The following SVIL variants were observed in gnomAD, a reference collection of about 807,000 sequenced individuals.
SVIL encodes the protein archvillin.
Under a neutral mutation model 240.4 loss-of-function variants are expected in SVIL, and 101 were observed. The observed-to-expected ratio is 0.42, with a 90% CI of 0.36 to 0.50. The LOEUF (loss-of-function observed/expected upper bound fraction) is 0.50, where lower values mean the gene tolerates loss of function less well. Among genes scored for constraint, SVIL ranks in the 20% least tolerant of loss-of-function variants. SVIL has a pLI of 0.01. For synonymous variants in SVIL, 999 were observed against 1,100.0 expected (o/e 0.91, Z 1.82); for missense variants, 2,512 against 2,818.7 (o/e 0.89, Z 2.46).
At chr10:29,724,397 A>ACG (rs58472580) in intron 1 of SVIL, among the ~76,000 whole-genome samples, 2 of 151,438 alleles carry the variant, frequency 1.3e-5, no homozygotes, top group African/African-American at 2.4e-5. Context: ...ACACACACAC[A>ACG]TACACACAGA....
At chr10:29,598,835 G>A (rs1419438328) in intron 1 of SVIL, among the ~76,000 whole-genome samples, 3 of 151,786 alleles carry the variant, frequency 2.0e-5, no homozygotes, top group African/African-American at 7.3e-5. Flanking sequence ...CTGTGTAGAT[G>A]CTGGACTCTG....
At chr10:29,705,879 G>C (rs888128421) in intron 1 of SVIL, among the ~76,000 whole-genome samples, 1 of 152,164 alleles carries the variant, frequency 6.6e-6, no homozygotes, top group Non-Finnish European at 1.5e-5. Context: ...TCTTTGTCCA[G>C]GCTATCACTG....
intron 2 of SVIL, among the ~76,000 whole-genome samples, chr10:29,682,161 C>T (rs916480176): frequency 1.3e-5 from 2 of 152,196 alleles, no homozygotes; most frequent in Admixed American, 1.3e-4. Context: ...TCTTCTACGC[C>T]TTAAGCAGCA....
At position 29,505,938 on chromosome 10, in the gene SVIL, T is replaced by A. The variant is rs573640104; in HGVS notation, c.3517-6675A>T. On this transcript the variant is annotated intron_variant, in intron 17 of 37. Transcript: ENST00000355867. Reference sequence around the variant, plus strand: ...AATCCACAGATGCTCAAGTCCCTGATGTAAAATGGGGTAGGATTTGCACAC... The same window carrying A: ...AATCCACAGATGCTCAAGTCCCTGAAGTAAAATGGGGTAGGATTTGCACAC... 1.2e-3 allele frequency among the ~76,000 whole-genome samples: 186 copies of A among 152,300 alleles called. 2 individuals carry two copies. In the South Asian group the frequency reaches 0.019, roughly 15 times the overall value.
At chr10:29,664,202 T>A (rs1959190464) in intron 2 of SVIL, among the ~76,000 whole-genome samples, 1 of 152,156 alleles carries the variant, frequency 6.6e-6, no homozygotes, top group Non-Finnish European at 1.5e-5. Context: ...AAAAATTGAG[T>A]TAATGGGCAG....
intron 1 of SVIL, among the ~76,000 whole-genome samples, chr10:29,582,943 G>A (rs758509964): frequency 2.6e-5 from 4 of 152,058 alleles, no homozygotes; most frequent in African/African-American, 9.7e-5. Context: ...AGCGGAGAAG[G>A]CTCTGCCAAA....
At chr10:29,518,718 T>C (rs1950374496) in intron 16 of SVIL, among the ~76,000 whole-genome samples, 1 of 152,092 alleles carries the variant, frequency 6.6e-6, no homozygotes, top group East Asian at 1.9e-4. Context: ...TAGCTGGTTA[T>C]GGTGGTGGGC....
At chr10:29,610,905 A>T (rs1315656911) in intron 1 of SVIL, among the ~76,000 whole-genome samples, 3 of 152,160 alleles carry the variant, frequency 2.0e-5, no homozygotes, top group Non-Finnish European at 4.4e-5. Flanking sequence ...TCGCTCATGC[A>T]TTTCTGAGCT....
chr10:29,621,230 C>A (rs1035124324), intron 1 of SVIL, among the ~76,000 whole-genome samples: 1 of 152,236 alleles, frequency 6.6e-6, no homozygotes, highest in African/African-American at 2.4e-5. Context: ...ATCTCACTTG[C>A]CTGTGGTATT....
chr10:29,620,500 C>T (rs189588682), intron 1 of SVIL, among the ~76,000 whole-genome samples: 15 of 152,318 alleles, frequency 9.8e-5, no homozygotes, highest in Admixed American at 9.2e-4. Context: ...ATTTTAAAAA[C>T]GTTCATTCAG....
At chr10:29,481,133 GGTGTGTGTGTGTGTGTGTGT>G (rs57479630) in intron 28 of SVIL, among the ~76,000 whole-genome samples, 2 of 141,324 alleles carry the variant, frequency 1.4e-5, no homozygotes, top group Non-Finnish European at 3.1e-5. Context: ...TAGCTTTAAG[GGTGTGTGTGTGTGTGTGTGT>G]GTGTGTGTGT....
chr10:29,550,959 T>A lies in SVIL; in HGVS notation c.465A>T (p.Lys155Asn). 1 of 1,614,108 alleles carries A rather than the reference T, an allele frequency of 6.2e-7. No homozygotes were observed. The highest frequency in any genetic ancestry group is 2.2e-5 in the East Asian group (1 of 44,862). The stretch of plus-strand genomic sequence containing the variant: ...TAGCATCTCTGCTTGACTCTTCCTG[T>A]TTGTCACTTTTTCCTCCCCGCTTCT... ...AVEKRGGKSD[K>N]QEESSRDASS... Residue 155 changes from lysine to asparagine, a missense_variant, in exon 6 of 38, where the codon AAA becomes AAT. Physicochemically the swap from Lys to Asn is moderately conservative, Grantham distance 94. This residue lies in a region of SVIL where 1,443 missense variants were observed against 1,486.6 expected (regional missense o/e 0.97). Transcript: ENST00000355867.
At chr10:29,668,972 A>G (rs1285641292) in intron 2 of SVIL, among the ~76,000 whole-genome samples, 1 of 152,184 alleles carries the variant, frequency 6.6e-6, no homozygotes, top group East Asian at 1.9e-4. Context: ...GTACTGTTCT[A>G]GGCACTATAG....
intron 3 of SVIL, chr10:29,644,118 C>T (rs1026903411): frequency 3.6e-5 from 16 of 445,630 alleles, no homozygotes; most frequent in African/African-American, 1.6e-4. Flanking sequence ...GCTCACTGCA[C>T]GAACAGAACC....
At chr10:29,626,804 C>T (rs1957889827) in intron 1 of SVIL, among the ~76,000 whole-genome samples, 1 of 152,046 alleles carries the variant, frequency 6.6e-6, no homozygotes, top group Non-Finnish European at 1.5e-5. Context: ...GCGGGTGGAT[C>T]ACGAGGTCAG....
At chr10:29,539,115 T>G (rs906772748) in intron 6 of SVIL, among the ~76,000 whole-genome samples, 6 of 152,108 alleles carry the variant, frequency 3.9e-5, no homozygotes, top group Non-Finnish European at 5.9e-5. Flanking sequence ...CAGTGAGCTA[T>G]GATTGCACCA....
chr10:29,505,840 C>A (rs557653514), intron 17 of SVIL, among the ~76,000 whole-genome samples: 1 of 152,170 alleles, frequency 6.6e-6, no homozygotes, highest in Admixed American at 6.5e-5. Context: ...AAAATAAATT[C>A]TTCTGAAAAA....
intron 1 of SVIL, among the ~76,000 whole-genome samples, chr10:29,690,172 T>C (rs1961395361): frequency 6.6e-6 from 1 of 152,220 alleles, no homozygotes; most frequent in Non-Finnish European, 1.5e-5. Context: ...CCTCATTTTA[T>C]ACAAAAAATT....
At chr10:29,695,510 T>C (rs899519496) in intron 1 of SVIL, among the ~76,000 whole-genome samples, 2 of 151,546 alleles carry the variant, frequency 1.3e-5, no homozygotes, top group African/African-American at 2.4e-5. Flanking sequence ...CTTTGGGAGG[T>C]CAAGGTGGGT....
Sources: allele counts gnomAD v4.1 joint callset (sites outside exome capture counted in the v4.1 genomes callset), GRCh38; gene constraint gnomAD v4.1.1; regional missense constraint gnomAD v4.1.1; transcripts MANE v1.5; gene names NCBI Gene and HGNC (gene_info 2026-07-23, HGNC 2026-07-21).